GALNTL6: variants seen among roughly 807,000 people sequenced by gnomAD.
The protein encoded by GALNTL6 is polypeptide N-acetylgalactosaminyltransferase-like 6.
GALNTL6 carries 46 observed loss-of-function variants against 73.7 expected under a neutral mutation model. The observed-to-expected ratio is 0.62, with a 90% confidence interval of 0.49 to 0.80. The LOEUF (loss-of-function observed/expected upper bound fraction) is 0.80, where lower values mean the gene tolerates loss of function less well. Ranked by LOEUF, GALNTL6 falls within the 30% of genes least tolerant of loss-of-function variation. The pLI is 0.00. For missense variants in GALNTL6, 604 were observed against 755.0 expected, an observed-to-expected ratio of 0.80 and a Z score of 2.34; for synonymous variants, 259 against 263.7, an observed-to-expected ratio of 0.98 and a Z score of 0.17.
At chr4:172,423,550 C>T (rs1054381645) in intron 5 of GALNTL6, among the ~76,000 whole-genome samples, 1 of 152,052 alleles carries the variant, frequency 6.6e-6, no homozygotes, top group Non-Finnish European at 1.5e-5. Context: ...CTAATATTTT[C>T]ACCTCCTCAA....
chr4:172,137,646 C>CA, intron 2 of GALNTL6, among the ~76,000 whole-genome samples: 1 of 151,986 alleles, frequency 6.6e-6, no homozygotes, highest in Non-Finnish European at 1.5e-5. Context: ...GAAAAAAAGC[C>CA]AAAAAACTAC....
intron 5 of GALNTL6, among the ~76,000 whole-genome samples, chr4:172,696,554 G>T (rs1169403041): frequency 1.3e-5 from 2 of 152,012 alleles, no homozygotes; most frequent in Non-Finnish European, 2.9e-5. Flanking sequence ...TGAATCATGG[G>T]GGCAGGTCTT....
At chr4:172,825,406 C>T (rs1471945455) in intron 7 of GALNTL6, among the ~76,000 whole-genome samples, 1 of 152,128 alleles carries the variant, frequency 6.6e-6, no homozygotes, top group East Asian at 1.9e-4. Flanking sequence ...GCCTTCTTCA[C>T]TGATGGAGCT....
intron 5 of GALNTL6, among the ~76,000 whole-genome samples, chr4:172,581,837 G>A (rs1375188570): frequency 6.6e-6 from 1 of 152,152 alleles, no homozygotes; most frequent in East Asian, 1.9e-4. Context: ...AAGAAATAAA[G>A]GAACTGTTGC....
intron 5 of GALNTL6, among the ~76,000 whole-genome samples, chr4:172,773,522 G>A (rs1738897415): frequency 6.6e-6 from 1 of 151,866 alleles, no homozygotes. Flanking sequence ...AAGAACTGAG[G>A]GCATTTATCA....
intron 7 of GALNTL6, among the ~76,000 whole-genome samples, chr4:172,859,623 G>A (rs112130089): frequency 4.6e-5 from 7 of 152,252 alleles, no homozygotes; most frequent in African/African-American, 1.4e-4. Context: ...GGATAGACAG[G>A]TTTGAGAAAA....
At chr4:172,428,839 A>G (rs1238206415) in intron 5 of GALNTL6, among the ~76,000 whole-genome samples, 2 of 152,222 alleles carry the variant, frequency 1.3e-5, no homozygotes, top group South Asian at 2.1e-4. Flanking sequence ...GAAATAGATC[A>G]TCAGCTGTCA....
chr4:172,149,628 G>A (rs1019439725), intron 2 of GALNTL6, among the ~76,000 whole-genome samples: 2 of 152,054 alleles, frequency 1.3e-5, no homozygotes, highest in Non-Finnish European at 2.9e-5. Flanking sequence ...CCAAGTCACC[G>A]GGGGATGCTT....
intron 2 of GALNTL6, among the ~76,000 whole-genome samples, chr4:171,869,158 T>A (rs1007564412): frequency 6.6e-6 from 1 of 152,208 alleles, no homozygotes; most frequent in Non-Finnish European, 1.5e-5. Flanking sequence ...GTCAGGACTA[T>A]GTTTTTATAA....
intron 2 of GALNTL6, among the ~76,000 whole-genome samples, chr4:171,863,131 G>T (rs1180008768): frequency 6.6e-6 from 1 of 152,180 alleles, no homozygotes; most frequent in Non-Finnish European, 1.5e-5. Flanking sequence ...CAGACATGAA[G>T]TTGCGTGAAA....
chr4:172,206,330 C>T (rs1342518708), intron 2 of GALNTL6, among the ~76,000 whole-genome samples: 1 of 152,068 alleles, frequency 6.6e-6, no homozygotes, highest in Non-Finnish European at 1.5e-5. Context: ...GATCATGAAA[C>T]ATAAAGAAAA....
intron 2 of GALNTL6, among the ~76,000 whole-genome samples, chr4:171,885,008 G>T (rs1368505104): frequency 6.6e-6 from 1 of 150,924 alleles, no homozygotes; most frequent in Non-Finnish European, 1.5e-5. Flanking sequence ...AGTGAGCTGA[G>T]ATTGTGCTGC....
At chr4:172,474,317 C>T (rs1374427352) in intron 5 of GALNTL6, among the ~76,000 whole-genome samples, 1 of 152,154 alleles carries the variant, frequency 6.6e-6, no homozygotes, top group East Asian at 1.9e-4. Context: ...ACCCCTGCCC[C>T]TGATTTCCTG....
At chr4:171,988,194 T>C (rs575299469) in intron 2 of GALNTL6, among the ~76,000 whole-genome samples, 3 of 152,174 alleles carry the variant, frequency 2.0e-5, no homozygotes, top group African/African-American at 4.8e-5. Flanking sequence ...CAGTCCTGGC[T>C]CTTGTGTAAG....
chr4:171,991,383 C>A (rs1417119488), intron 2 of GALNTL6, among the ~76,000 whole-genome samples: 1 of 151,980 alleles, frequency 6.6e-6, no homozygotes, highest in Non-Finnish European at 1.5e-5. Flanking sequence ...CCAATCAAAA[C>A]CATATCAAGA....
At chr4:172,912,574 G>T (rs1254565479) in intron 8 of GALNTL6, among the ~76,000 whole-genome samples, 4 of 152,198 alleles carry the variant, frequency 2.6e-5, no homozygotes, top group Admixed American at 6.5e-5. Flanking sequence ...TATATCCCAT[G>T]CTTGGCTCAC....
chr4:172,657,180 C>T (rs1731076729), intron 5 of GALNTL6, among the ~76,000 whole-genome samples: 1 of 152,216 alleles, frequency 6.6e-6, no homozygotes. Context: ...TTCTCTTCTT[C>T]AAGCTTCATG....
intron 5 of GALNTL6, among the ~76,000 whole-genome samples, chr4:172,760,007 T>C (rs1426159695): frequency 2.0e-5 from 3 of 150,122 alleles, no homozygotes; most frequent in Non-Finnish European, 4.4e-5. Context: ...CGGCTAATTT[T>C]TTGTATTTTT....
At chr4:172,761,336 C>A (rs943935155) in intron 5 of GALNTL6, among the ~76,000 whole-genome samples, 1 of 152,142 alleles carries the variant, frequency 6.6e-6, no homozygotes, top group African/African-American at 2.4e-5. Flanking sequence ...ATAAAACACA[C>A]TTTAGGGACC....
Sources: allele counts gnomAD v4.1 joint callset (sites outside exome capture counted in the v4.1 genomes callset), GRCh38; gene constraint gnomAD v4.1.1; transcripts MANE v1.5; gene names NCBI Gene and HGNC (gene_info 2026-07-23, HGNC 2026-07-21).